Variants in ITPR2 observed in about 807,000 individuals in gnomAD.
ITPR2 encodes the protein inositol 1,4,5-trisphosphate receptor type 2.
In ITPR2, 207 loss-of-function variants were observed where a neutral mutation model predicts 317.1. The observed-to-expected ratio is 0.65, with a 90% CI of 0.58 to 0.73. The LOEUF (loss-of-function observed/expected upper bound fraction) is 0.73, where lower values mean the gene tolerates loss of function less well. Ranked by LOEUF, ITPR2 falls within the 30% of genes least tolerant of loss-of-function variation. The pLI is 0.00. For synonymous variants in ITPR2, 1,156 were observed against 1,149.1 expected (o/e 1.01, Z -0.12); for missense variants, 2,613 against 3,284.0 (o/e 0.80, Z 4.99).
At chr12:26,568,178 A>G (rs1481624862) in intron 34 of ITPR2, among the ~76,000 whole-genome samples, 2 of 150,998 alleles carry the variant, frequency 1.3e-5, no homozygotes, top group Non-Finnish European at 3.0e-5. Context: ...ATGTACTTTA[A>G]TACAAAGGGT....
intron 37 of ITPR2, among the ~76,000 whole-genome samples, chr12:26,541,808 G>T (rs1265258367): frequency 6.6e-6 from 1 of 151,698 alleles, no homozygotes; most frequent in Non-Finnish European, 1.5e-5. Context: ...AGAAATAAAA[G>T]ATTAGTTACA....
intron 45 of ITPR2, among the ~76,000 whole-genome samples, chr12:26,466,722 A>G (rs1240502700): frequency 6.6e-6 from 1 of 152,226 alleles, no homozygotes; most frequent in Admixed American, 6.5e-5. Context: ...AGAAGGTTGA[A>G]GCCAGAGAAG....
At chr12:26,460,412 T>C (rs958973192) in intron 45 of ITPR2, among the ~76,000 whole-genome samples, 1 of 152,198 alleles carries the variant, frequency 6.6e-6, no homozygotes, top group African/African-American at 2.4e-5. Flanking sequence ...TTTTCATGTG[T>C]ATAAGTGGCA....
rs576134548 is a variant in ITPR2, at chr12:26,824,649, C to T, written c.92+8041G>A. Reference sequence around the variant, plus strand: ...TTAAAAACCATTTTAGTTAACTTTCCTGGCTATAAAAGTAATAGATGTTTA... The same window carrying T: ...TTAAAAACCATTTTAGTTAACTTTCTTGGCTATAAAAGTAATAGATGTTTA... On this transcript the variant is annotated intron_variant, in intron 1 of 56. Coordinates refer to ENST00000381340, the MANE Select transcript of ITPR2 (RefSeq NM_002223.4). Among the ~76,000 whole-genome samples the T allele has an allele frequency of 2.2e-4, 33 of 152,158 alleles. 1 individual carries two copies. The South Asian group carries it at 4.8e-3, about 22-fold the overall frequency.
intron 1 of ITPR2, among the ~76,000 whole-genome samples, chr12:26,816,946 A>T (rs759844225): frequency 6.6e-6 from 1 of 152,056 alleles, no homozygotes; most frequent in Non-Finnish European, 1.5e-5. Context: ...TTGGGAGGCC[A>T]AGGTGGGCGG....
In ITPR2 at chr12:26,449,421, A is replaced by G. The variant is rs1941687349; in HGVS notation, c.6343-5771T>C. The stretch of plus-strand genomic sequence containing the variant: ...ATCTACTTTTTTCTCTGATTCTGTG[A>G]CCCTGCAAAGTGCAAAGCACGGTTT... On this transcript the variant is annotated intron_variant, in intron 45 of 56. Coordinates refer to ENST00000381340, the MANE Select transcript of ITPR2 (RefSeq NM_002223.4). 2.0e-5 allele frequency among the ~76,000 whole-genome samples: 3 copies of G among 152,184 alleles called. No individual in the cohort carries two copies. In the South Asian group the frequency reaches 6.2e-4, roughly 32 times the overall value.
At chr12:26,614,743 G>T (rs1353704276) in intron 26 of ITPR2, among the ~76,000 whole-genome samples, 1 of 152,136 alleles carries the variant, frequency 6.6e-6, no homozygotes, top group African/African-American at 2.4e-5. Flanking sequence ...ATGAAATTCT[G>T]GAGAAGGCAA....
chr12:26,556,841 G>A (rs1202828492), intron 35 of ITPR2, among the ~76,000 whole-genome samples: 2 of 151,902 alleles, frequency 1.3e-5, no homozygotes, highest in East Asian at 3.9e-4. Context: ...CACTTTGGGA[G>A]GCCAAGGCAG....
At chr12:26,522,013 T>C (rs1943679437) in intron 37 of ITPR2, among the ~76,000 whole-genome samples, 1 of 152,206 alleles carries the variant, frequency 6.6e-6, no homozygotes, top group Admixed American at 6.5e-5. Flanking sequence ...TTTTGACTAC[T>C]ATAAAATACT....
chr12:26,385,892 A>G (rs1230405223), intron 55 of ITPR2, among the ~76,000 whole-genome samples: 5 of 151,762 alleles, frequency 3.3e-5, no homozygotes, highest in Non-Finnish European at 7.4e-5. Flanking sequence ...TCTCTTGTAG[A>G]ACCTGGCATA....
chr12:26,561,739 T>G, intron 35 of ITPR2, 23 bp downstream of exon 35: 3 of 1,504,130 alleles, frequency 2.0e-6, no homozygotes, highest in Non-Finnish European at 2.7e-6. Flanking sequence ...AAAATATTAA[T>G]GCTATTTCAC....
At chr12:26,755,719 G>A (rs1298171085) in intron 2 of ITPR2, among the ~76,000 whole-genome samples, 4 of 152,168 alleles carry the variant, frequency 2.6e-5, no homozygotes, top group Admixed American at 2.0e-4. Flanking sequence ...TGAAGAAACC[G>A]GTTATTTTAC....
chr12:26,780,766 C>T (rs950482118), intron 2 of ITPR2, among the ~76,000 whole-genome samples: 1 of 152,162 alleles, frequency 6.6e-6, no homozygotes, highest in Non-Finnish European at 1.5e-5. Flanking sequence ...TCACCATCAC[C>T]CCTAGTGATC....
chr12:26,345,010 G>A (rs1452843834), intron 55 of ITPR2, among the ~76,000 whole-genome samples: 1 of 151,860 alleles, frequency 6.6e-6, no homozygotes, highest in Admixed American at 6.6e-5. Flanking sequence ...CTACCTTTCT[G>A]CTTCTTGTTC....
At chr12:26,560,847 G>A (rs1213568929) in intron 35 of ITPR2, among the ~76,000 whole-genome samples, 1 of 151,942 alleles carries the variant, frequency 6.6e-6, no homozygotes, top group Non-Finnish European at 1.5e-5. Context: ...ATTTATTTCA[G>A]TTAATGTCTT....
At chr12:26,501,341 A>C (rs1943067700) in intron 37 of ITPR2, among the ~76,000 whole-genome samples, 1 of 152,236 alleles carries the variant, frequency 6.6e-6, no homozygotes, top group Non-Finnish European at 1.5e-5. Flanking sequence ...TTAATGTAAC[A>C]ACTGTATCTT....
intron 54 of ITPR2, among the ~76,000 whole-genome samples, chr12:26,398,057 G>GGTGTGTGTGTGTGTGTGTGTGTGTGGGT (rs1940055387): frequency 7.4e-6 from 1 of 135,002 alleles, no homozygotes; most frequent in Non-Finnish European, 1.6e-5. Flanking sequence ...GGAGGGGAGT[G>GGTGTGTGTGTGTGTGTGTGTGTGTGGGT]GTGTGTGTGT....
intron 48 of ITPR2, among the ~76,000 whole-genome samples, chr12:26,434,947 G>A (rs1041467808): frequency 3.9e-5 from 6 of 152,186 alleles, no homozygotes; most frequent in African/African-American, 1.2e-4. Flanking sequence ...AGAGAATGCC[G>A]TTTTTACTTC....
intron 52 of ITPR2, among the ~76,000 whole-genome samples, chr12:26,401,543 T>A (rs1940176517): frequency 6.6e-6 from 1 of 152,180 alleles, no homozygotes; most frequent in Non-Finnish European, 1.5e-5. Context: ...TAGTGAAAAA[T>A]TAATACTAAG....
Sources: gnomAD v4.1 joint callset for allele counts (sites outside exome capture counted in the v4.1 genomes callset) on GRCh38, gnomAD v4.1.1 for gene constraint, MANE v1.5 for transcripts, NCBI Gene and HGNC (gene_info 2026-07-23, HGNC 2026-07-21) for gene names.